TBXAS1: variants seen among roughly 807,000 people sequenced by gnomAD.
TBXAS1 encodes thromboxane A synthase 1, also known as thromboxane-A synthase.
A neutral mutation model predicts 60.7 loss-of-function variants in TBXAS1; 48 were observed. That is an observed-to-expected ratio of 0.79 (90% CI 0.63 to 1.01). TBXAS1 has a LOEUF of 1.01. TBXAS1 is among the 50% of genes least tolerant of loss of function. TBXAS1 has a pLI of 0.00. For missense variants in TBXAS1, 685 were observed against 686.3 expected (o/e 1.00, Z 0.02); for synonymous variants, 287 against 269.7 (o/e 1.06, Z -0.63).
At chr7:139,816,577 T>G (rs1300079660) in intron 4 of TBXAS1, among the ~76,000 whole-genome samples, 1 of 152,028 alleles carries the variant, frequency 6.6e-6, no homozygotes, top group Non-Finnish European at 1.5e-5. Flanking sequence ...TCTCAAAGAG[T>G]GGTCCCAGAC....
Position 139,862,805 on chromosome 7 carries a change from T to TCATTA in TBXAS1, c.90-9429_90-9425dup, listed in dbSNP as rs151262385. On this transcript the variant is annotated intron_variant, in intron 1 of 12. Transcript: ENST00000448866. ...TCTCTTTCTCATCACAATCATCAGT[T>TCATTA]CATTAGTATATGTTATTAATACACT... 3.7e-3 allele frequency among the ~76,000 whole-genome samples: 569 copies of TCATTA among 152,324 alleles called. 4 individuals carry two copies. The highest frequency in any genetic ancestry group is 0.013 in the African/African-American group (549 of 41,580).
rs1184579017 is a variant in TBXAS1 at position 139,915,329 on chromosome 7, G to A, written c.333+4008G>A. On this transcript the variant is annotated intron_variant, in intron 4 of 12. Coordinates refer to ENST00000448866, the MANE Select transcript of TBXAS1 (RefSeq NM_001061.7). ...CGTGATTTCTCCTTACTGACACCACGTTGCCTTCCCTCTAATAGGCCATGT... is the reference window on the plus strand; with the variant it reads ...CGTGATTTCTCCTTACTGACACCACATTGCCTTCCCTCTAATAGGCCATGT... Among the ~76,000 whole-genome samples the A allele has an allele frequency of 3.9e-5, 6 of 152,100 alleles. No individual in the cohort carries two copies. In the East Asian group the frequency reaches 5.8e-4, roughly 15 times the overall value.
At chr7:139,932,401 G>A (rs1807407997) in intron 4 of TBXAS1, among the ~76,000 whole-genome samples, 1 of 152,098 alleles carries the variant, frequency 6.6e-6, no homozygotes, top group African/African-American at 2.4e-5. Context: ...CTCCAGGGGT[G>A]TGGAGCTCAT....
chr7:139,875,284 C>A (rs1393554700), intron 2 of TBXAS1, among the ~76,000 whole-genome samples: 1 of 152,176 alleles, frequency 6.6e-6, no homozygotes, highest in East Asian at 1.9e-4. Flanking sequence ...AATGCTAAAT[C>A]AAATTTCAGA....
At chr7:139,928,422 T>C (rs754998678) in intron 4 of TBXAS1, among the ~76,000 whole-genome samples, 14 of 152,250 alleles carry the variant, frequency 9.2e-5, no homozygotes, top group Non-Finnish European at 2.1e-4. Flanking sequence ...CATTGGCTTA[T>C]AATTTTTCTT....
intron 3 of TBXAS1, among the ~76,000 whole-genome samples, chr7:139,898,413 C>CTTTTTTTTTTTTTTTTTTTTTTT (rs71170921): frequency 1.2e-5 from 1 of 82,222 alleles, no homozygotes; most frequent in African/African-American, 4.9e-5. Flanking sequence ...ACGTGCATGG[C>CTTTTTTTTTTTTTTTTTTTTTTT]TTTTTTTTTT....
intron 1 of TBXAS1, among the ~76,000 whole-genome samples, chr7:139,858,246 C>G (rs987487060): frequency 7.9e-5 from 12 of 152,162 alleles, no homozygotes; most frequent in Admixed American, 6.5e-4. Flanking sequence ...ACATGGCTCT[C>G]GTTTATTGTG....
chr7:139,957,547 C>T (rs2117347883), intron 7 of TBXAS1, 87 bp from the exon 8 acceptor site: 5 of 1,591,508 alleles, frequency 3.1e-6, no homozygotes, highest in East Asian at 2.2e-5. Flanking sequence ...ATTCCAGGCC[C>T]GCGTTTGCTT....
chr7:139,879,780 T>C (rs1802540037), intron 3 of TBXAS1, among the ~76,000 whole-genome samples: 1 of 151,988 alleles, frequency 6.6e-6, no homozygotes, highest in Non-Finnish European at 1.5e-5. Context: ...GTTCAGGTCA[T>C]TAGCAACTCC....
rs141841925 is a variant in TBXAS1, at chr7:139,888,422, C to T, written c.236+12785C>T. On this transcript the variant is annotated intron_variant, in intron 3 of 12. Coordinates refer to ENST00000448866, the MANE Select transcript of TBXAS1 (RefSeq NM_001061.7). ...CCTTCTCTTCCTGGAACTGACCCTT[C>T]GATCTCTGGGCTTCCTACCTTGAGT... Among the ~76,000 whole-genome samples, 197 of 152,300 alleles carry T rather than the reference C, an allele frequency of 1.3e-3. 1 individual carries two copies. Among genetic ancestry groups the T allele is most frequent in the African/African-American group, 4.5e-3 (187 of 41,550 alleles).
chr7:139,924,199 G>GT (rs988046452), intron 4 of TBXAS1, among the ~76,000 whole-genome samples: 3 of 152,062 alleles, frequency 2.0e-5, no homozygotes, highest in Non-Finnish European at 2.9e-5. Flanking sequence ...TCTATTTTTA[G>GT]TTTTTTTAGT....
intron 9 of TBXAS1, among the ~76,000 whole-genome samples, chr7:139,968,237 T>C (rs772791713): frequency 1.4e-4 from 21 of 152,194 alleles, no homozygotes; most frequent in Non-Finnish European, 2.6e-4. Context: ...TTTCAGGGTA[T>C]AGATTTTGGT....
intron 10 of TBXAS1, among the ~76,000 whole-genome samples, chr7:140,014,410 G>A (rs1389738258): frequency 6.6e-6 from 1 of 152,202 alleles, no homozygotes. Flanking sequence ...TGGGGTTCAG[G>A]CTGGGGCTGA....
At chr7:139,900,694 C>T (rs576159905) in intron 3 of TBXAS1, among the ~76,000 whole-genome samples, 1 of 152,346 alleles carries the variant, frequency 6.6e-6, no homozygotes, top group South Asian at 2.1e-4. Context: ...TGTAGGCAGT[C>T]TGTCTATCTG....
Position 139,872,286 on chromosome 7 carries a change from C to G in TBXAS1, c.141C>G (p.Pro47=). The G allele has an allele frequency of 3.1e-6, 5 of 1,614,122 alleles. No homozygotes were observed. The highest frequency in any genetic ancestry group is 3.4e-6 in the Non-Finnish European group (4 of 1,179,978). ...TGGAGAAGTTAGGCCTCAGACATCC[C>G]AAGCCTTCTCCTTTCATTGGAAACT... ...SRLEKLGLRH[P]KPSPFIGNLT... The change falls in exon 2 of 13, where the codon CCC becomes CCG. Residue 47 remains proline (P), a synonymous_variant. Transcript: ENST00000448866.
chr7:139,953,276 A>G (rs979481666), intron 5 of TBXAS1, 92 bp from the exon 6 acceptor site: 9 of 1,026,788 alleles, frequency 8.8e-6, no homozygotes, highest in Admixed American at 5.1e-5. Context: ...TCATTTTCCC[A>G]GAAAGCACTA....
intron 1 of TBXAS1, among the ~76,000 whole-genome samples, chr7:139,840,845 G>A (rs1197771296): frequency 6.6e-6 from 1 of 152,178 alleles, no homozygotes; most frequent in African/African-American, 2.4e-5. Flanking sequence ...AGAGCGCCTC[G>A]GAGGTCGTGA....
intron 4 of TBXAS1, among the ~76,000 whole-genome samples, chr7:139,931,692 C>T (rs528462798): frequency 6.6e-6 from 1 of 151,626 alleles, no homozygotes; most frequent in South Asian, 2.1e-4. Context: ...AGACGTGACC[C>T]CACGATTCAA....
In TBXAS1 at chr7:139,946,572, T is replaced by G. The variant is rs562440889; in HGVS notation, c.451-6796T>G. 7.2e-5 allele frequency among the ~76,000 whole-genome samples: 11 copies of G among 152,214 alleles called. No individual in the cohort carries two copies. In the South Asian group the frequency reaches 2.3e-3, roughly 32 times the overall value. ...TGAAAGAAAGGAAGCAATGTTAACA[T>G]GATGAGGCAAGAACAGATGGCTCCA... On this transcript the variant is annotated intron_variant, in intron 5 of 12. Coordinates refer to ENST00000448866, the MANE Select transcript of TBXAS1 (RefSeq NM_001061.7).
Sources: gnomAD v4.1 joint callset for allele counts (sites outside exome capture counted in the v4.1 genomes callset) on GRCh38, gnomAD v4.1.1 for gene constraint, MANE v1.5 for transcripts, NCBI Gene and HGNC (gene_info 2026-07-23, HGNC 2026-07-21) for gene names.